FBXL17: variants seen among roughly 807,000 people sequenced by gnomAD.
FBXL17 encodes F-box/LRR-repeat protein 17.
Under a neutral mutation model 66.2 loss-of-function variants are expected in FBXL17, and 22 were observed. The observed-to-expected ratio is 0.33, with a 90% CI of 0.24 to 0.47. The LOEUF (loss-of-function observed/expected upper bound fraction) is 0.47. Among genes scored for constraint, FBXL17 ranks in the 20% least tolerant of loss-of-function variants. FBXL17 has a pLI of 1.00. For synonymous variants in FBXL17, 474 were observed against 400.5 expected, an observed-to-expected ratio of 1.18 and a Z score of -2.19; for missense variants, 878 against 948.2, an observed-to-expected ratio of 0.93 and a Z score of 0.97.
At chr5:107,884,121 T>C (rs1056441170) in intron 7 of FBXL17, among the ~76,000 whole-genome samples, 1 of 152,186 alleles carries the variant, frequency 6.6e-6, no homozygotes, top group Non-Finnish European at 1.5e-5. Flanking sequence ...GTCCTTGATG[T>C]TACGAAGTTT....
At chr5:108,206,626 C>T (rs1215896900) in intron 5 of FBXL17, among the ~76,000 whole-genome samples, 3 of 149,874 alleles carry the variant, frequency 2.0e-5, no homozygotes, top group East Asian at 1.9e-4. Context: ...TGAAACAGAA[C>T]TCTTTTTTTT....
At chr5:108,030,819 G>C (rs1746592890) in intron 6 of FBXL17, among the ~76,000 whole-genome samples, 1 of 152,102 alleles carries the variant, frequency 6.6e-6, no homozygotes, top group Non-Finnish European at 1.5e-5. Flanking sequence ...TGAAAGAGAT[G>C]GCAGGTAAAT....
intron 7 of FBXL17, among the ~76,000 whole-genome samples, chr5:107,961,053 C>T (rs904121978): frequency 4.6e-5 from 7 of 151,974 alleles, no homozygotes; most frequent in Middle Eastern, 3.2e-3. Flanking sequence ...AAAAGTGATA[C>T]GGAGAAGCAG....
At chr5:107,989,297 C>T (rs539777370) in intron 7 of FBXL17, among the ~76,000 whole-genome samples, 16 of 152,160 alleles carry the variant, frequency 1.1e-4, no homozygotes, top group African/African-American at 3.8e-4. Flanking sequence ...CTCCCTACCC[C>T]CTTCCCAGTC....
In FBXL17 at chr5:108,367,948, A is replaced by G. The variant is rs1327844413; in HGVS notation, c.999T>C (p.Phe333=). 2 of 1,550,450 alleles carry G rather than the reference A, an allele frequency of 1.3e-6. No individual in the cohort carries two copies. Among genetic ancestry groups the G allele is most frequent in the East Asian group, 2.4e-5 (1 of 40,876 alleles). Residue 333 remains phenylalanine, a synonymous_variant, in exon 2 of 9, where the codon TTT becomes TTC. Coordinates refer to ENST00000542267, the MANE Select transcript of FBXL17 (RefSeq NM_001163315.3). ...QLPPSILLKI[F]SNLSLDERCL... ...AACGCTCATCCAGTGACAAATTGGA[A>G]AATATCTGTGAATAAAAAACGGTAC...
chr5:108,124,495 T>C (rs560285824), intron 6 of FBXL17, among the ~76,000 whole-genome samples: 3 of 152,044 alleles, frequency 2.0e-5, no homozygotes, highest in Admixed American at 1.3e-4. Flanking sequence ...AATTCAAGAA[T>C]TTTAAAGAAC....
rs114577966 is a variant in FBXL17, at chr5:108,217,480, T to C, written c.1614+6641A>G. 3.0e-3 allele frequency among the ~76,000 whole-genome samples: 451 copies of C among 152,240 alleles called. 2 individuals are homozygous for C. Among genetic ancestry groups the C allele is most frequent in the African/African-American group, 0.011 (438 of 41,544 alleles). ...TGTGACTAGAGATTTATCAATTTCA[T>C]CTATCTTATCAAATCGCTAGCTTTT... is the stretch of plus-strand genomic sequence containing the variant. On this transcript the variant is annotated intron_variant, in intron 5 of 8. Coordinates refer to ENST00000542267, the MANE Select transcript of FBXL17 (RefSeq NM_001163315.3).
intron 4 of FBXL17, among the ~76,000 whole-genome samples, chr5:108,337,247 C>A (rs1225826310): frequency 1.4e-5 from 2 of 147,098 alleles, no homozygotes; most frequent in Non-Finnish European, 3.0e-5. Context: ...CAGAGTGAGA[C>A]TCCATCTCAA....
intron 7 of FBXL17, among the ~76,000 whole-genome samples, chr5:107,964,500 A>T (rs114004740): frequency 0.014 from 2,117 of 152,266 alleles, 55 homozygotes; most frequent in African/African-American, 0.046. Flanking sequence ...CTGGATCATA[A>T]CTACACAAGA....
chr5:107,897,119 C>T (rs1749411021), intron 7 of FBXL17, among the ~76,000 whole-genome samples: 1 of 152,052 alleles, frequency 6.6e-6, no homozygotes, highest in Non-Finnish European at 1.5e-5. Flanking sequence ...GGAGAAGCAG[C>T]TTCTGTCAAC....
intron 6 of FBXL17, among the ~76,000 whole-genome samples, chr5:108,172,933 G>A (rs1350280705): frequency 2.0e-5 from 3 of 152,016 alleles, no homozygotes; most frequent in African/African-American, 7.3e-5. Context: ...CCAAGAAGCT[G>A]GGATTACAGG....
At chr5:108,042,613 G>T (rs767999505) in intron 6 of FBXL17, among the ~76,000 whole-genome samples, 1 of 152,134 alleles carries the variant, frequency 6.6e-6, no homozygotes, top group Non-Finnish European at 1.5e-5. Context: ...TTTTTATTCA[G>T]TAGTATTCCA....
intron 6 of FBXL17, among the ~76,000 whole-genome samples, chr5:108,183,034 ATTTTTT>A (rs34101023): frequency 1.1e-5 from 1 of 91,556 alleles, no homozygotes; most frequent in African/African-American, 4.1e-5. Context: ...ACAGTTTTCT[ATTTTTT>A]TTTTTTTTTT....
chr5:108,200,153 G>T (rs1442199882), intron 5 of FBXL17, among the ~76,000 whole-genome samples: 1 of 152,126 alleles, frequency 6.6e-6, no homozygotes, highest in Non-Finnish European at 1.5e-5. Flanking sequence ...CAGAGGTGTT[G>T]CCAGAAATGC....
At position 107,878,163 on chromosome 5, in the gene FBXL17, TA is replaced by T. The variant is rs1288352543; in HGVS notation, c.1965+2873del. 1.8e-5 allele frequency: 15 copies of T among 821,960 alleles called. No individual in the cohort carries two copies. The South Asian group carries it at 4.0e-4, about 22-fold the overall frequency. 50.9% of individuals were successfully genotyped at this position (821,960 alleles called of 1,614,324 possible). On this transcript the variant is annotated intron_variant, in intron 8 of 8. Coordinates refer to ENST00000542267, the MANE Select transcript of FBXL17 (RefSeq NM_001163315.3). ...AAGTGTAATTACTGACATATTTGTA[TA>T]AAAAATAATCTTAATTTTAAATTTA...
At chr5:108,030,682 G>T (rs1042311163) in intron 6 of FBXL17, among the ~76,000 whole-genome samples, 2 of 152,056 alleles carry the variant, frequency 1.3e-5, no homozygotes, top group Non-Finnish European at 2.9e-5. Flanking sequence ...CTCCTTTCAA[G>T]TACCCAACTA....
intron 4 of FBXL17, among the ~76,000 whole-genome samples, chr5:108,286,264 T>A (rs1431928190): frequency 6.6e-6 from 1 of 151,910 alleles, no homozygotes; most frequent in Non-Finnish European, 1.5e-5. Flanking sequence ...CTACTCATAT[T>A]CAACATAGTA....
intron 4 of FBXL17, among the ~76,000 whole-genome samples, chr5:108,314,914 ATTAT>A (rs1409868575): frequency 6.6e-6 from 1 of 151,264 alleles, no homozygotes; most frequent in African/African-American, 2.4e-5. Context: ...TGTCTGTTGT[ATTAT>A]TAAAGATCAT....
At chr5:108,007,256 TAGTG>T (rs1311918405) in intron 7 of FBXL17, among the ~76,000 whole-genome samples, 1 of 152,134 alleles carries the variant, frequency 6.6e-6, no homozygotes, top group Non-Finnish European at 1.5e-5. Context: ...GAGTATGTGT[TAGTG>T]AGAATAACTT....
Sources: allele counts gnomAD v4.1 joint callset (sites outside exome capture counted in the v4.1 genomes callset), GRCh38; gene constraint gnomAD v4.1.1; transcripts MANE v1.5; gene names NCBI Gene and HGNC (gene_info 2026-07-23, HGNC 2026-07-21).